Variants in ADAM10 observed in about 807,000 individuals in gnomAD.
ADAM10 encodes ADAM metallopeptidase domain 10.
In ADAM10, 17 loss-of-function variants were observed where a neutral mutation model predicts 90.1. That is an observed-to-expected ratio of 0.19 (90% confidence interval 0.13 to 0.28). The LOEUF is 0.28. ADAM10 is among the 10% of genes least tolerant of loss of function. ADAM10 has a pLI of 1.00. For missense variants in ADAM10, 610 were observed against 914.3 expected (o/e 0.67, Z 4.29); for synonymous variants, 310 against 298.6 (o/e 1.04, Z -0.40).
At chr15:58,687,006 A>C (rs1480300533) in intron 2 of ADAM10, among the ~76,000 whole-genome samples, 2 of 152,250 alleles carry the variant, frequency 1.3e-5, no homozygotes, top group Non-Finnish European at 2.9e-5. Context: ...TTGTTTATTT[A>C]AACAATCGAA....
At chr15:58,635,169 G>T (rs1465935209) in intron 8 of ADAM10, among the ~76,000 whole-genome samples, 2 of 151,014 alleles carry the variant, frequency 1.3e-5, no homozygotes, top group Non-Finnish European at 2.9e-5. Flanking sequence ...CAGCTACTCG[G>T]GAGGCTGAGG....
intron 11 of ADAM10, 147 bp downstream of exon 11, chr15:58,621,324 A>T (rs942513558): frequency 3.5e-5 from 31 of 895,554 alleles, no homozygotes; most frequent in Non-Finnish European, 5.1e-5. Context: ...AGCAGTAACC[A>T]ACACTACTTC....
chr15:58,672,011 G>A (rs1045707923), intron 4 of ADAM10, among the ~76,000 whole-genome samples: 2 of 151,914 alleles, frequency 1.3e-5, no homozygotes, highest in African/African-American at 2.4e-5. Flanking sequence ...GTTGAATCTA[G>A]TGCCTTTTAC....
chr15:58,635,502 G>A (rs1483855417), intron 8 of ADAM10, among the ~76,000 whole-genome samples: 2 of 151,936 alleles, frequency 1.3e-5, no homozygotes, highest in African/African-American at 2.4e-5. Context: ...ACTGACAACT[G>A]AGTAGAGAGA....
intron 2 of ADAM10, among the ~76,000 whole-genome samples, chr15:58,713,720 C>T (rs1401994076): frequency 6.6e-6 from 1 of 152,128 alleles, no homozygotes; most frequent in Non-Finnish European, 1.5e-5. Flanking sequence ...GGAGTTGTTT[C>T]CTTAACGACT....
intron 13 of ADAM10, chr15:58,610,757 G>A (rs899069234): frequency 1.1e-5 from 7 of 636,290 alleles, no homozygotes; most frequent in Admixed American, 7.9e-5. Flanking sequence ...AAGTCTAACA[G>A]TGTTTATGTA....
At chr15:58,698,121 T>G (rs1166959245) in intron 2 of ADAM10, among the ~76,000 whole-genome samples, 5 of 152,082 alleles carry the variant, frequency 3.3e-5, no homozygotes, top group Non-Finnish European at 7.4e-5. Context: ...CAAGGAAATA[T>G]GACCTAAATA....
At chr15:58,603,979 AT>A (rs1305650988) in intron 14 of ADAM10, among the ~76,000 whole-genome samples, 1 of 152,046 alleles carries the variant, frequency 6.6e-6, no homozygotes, top group East Asian at 1.9e-4. Context: ...GTAGAAAAAA[AT>A]GTTTTGCAAA....
intron 2 of ADAM10, among the ~76,000 whole-genome samples, chr15:58,698,897 C>T (rs1438468600): frequency 1.3e-5 from 2 of 152,120 alleles, no homozygotes; most frequent in Admixed American, 1.3e-4. Flanking sequence ...GAGCTGAAAA[C>T]TTCCCAAATC....
chr15:58,739,640 C>T (rs1408633806), intron 1 of ADAM10, among the ~76,000 whole-genome samples: 1 of 152,152 alleles, frequency 6.6e-6, no homozygotes, highest in Non-Finnish European at 1.5e-5. Context: ...CAATCCATCT[C>T]CAAAGCTGTC....
intron 1 of ADAM10, among the ~76,000 whole-genome samples, chr15:58,739,879 A>G (rs1899549752): frequency 2.0e-5 from 3 of 152,224 alleles, no homozygotes. Flanking sequence ...CACTAATGCC[A>G]ATATCTGCTG....
Position 58,726,567 on chromosome 15 carries a change from C to CAAAAAAAAA in ADAM10, c.56-8849_56-8841dup, listed in dbSNP as rs71116593. On this transcript the variant is annotated intron_variant, in intron 1 of 15. Transcript: ENST00000260408. ...GCGACAGAGCGAGACCTCAGTCTCC[C>CAAAAAAAAA]AAAAAAAAAAAAAAAAAAAAAAAAA... 3.9e-3 allele frequency among the ~76,000 whole-genome samples: 82 copies of CAAAAAAAAA among 20,768 alleles called. 11 individuals are homozygous for CAAAAAAAAA. Among genetic ancestry groups the CAAAAAAAAA allele is most frequent in the South Asian group, 0.015 (3 of 204 alleles). 13.6% of individuals were successfully genotyped at this position (20,768 alleles called of 152,430 possible).
chr15:58,709,140 T>G (rs902686272), intron 2 of ADAM10, among the ~76,000 whole-genome samples: 1 of 152,128 alleles, frequency 6.6e-6, no homozygotes, highest in Non-Finnish European at 1.5e-5. Context: ...TATAATGAAA[T>G]AGGATAAACA....
intron 1 of ADAM10, among the ~76,000 whole-genome samples, chr15:58,723,721 A>T (rs1261639968): frequency 6.6e-6 from 1 of 152,066 alleles, no homozygotes; most frequent in Non-Finnish European, 1.5e-5. Context: ...ATAAAAAATA[A>T]AAAATAAACT....
At chr15:58,625,113 A>G (rs1300651960) in intron 10 of ADAM10, among the ~76,000 whole-genome samples, 3 of 152,190 alleles carry the variant, frequency 2.0e-5, no homozygotes, top group Non-Finnish European at 1.5e-5. Context: ...TGCCCTTTTA[A>G]AAGAAAAAGA....
At chr15:58,683,283 TTTACATATACA>T (rs573168055) in intron 2 of ADAM10, among the ~76,000 whole-genome samples, 5 of 152,312 alleles carry the variant, frequency 3.3e-5, no homozygotes, top group Admixed American at 6.5e-5. Context: ...CGTCTTTTTT[TTTACATATACA>T]TGTTTTGCAG....
intron 8 of ADAM10, among the ~76,000 whole-genome samples, chr15:58,640,072 T>G (rs985476570): frequency 8.5e-5 from 13 of 152,170 alleles, no homozygotes; most frequent in African/African-American, 3.1e-4. Context: ...CAACTGAACT[T>G]ATACAGTAAA....
At chr15:58,693,424 T>C (rs1162080029) in intron 2 of ADAM10, among the ~76,000 whole-genome samples, 1 of 152,170 alleles carries the variant, frequency 6.6e-6, no homozygotes, top group Non-Finnish European at 1.5e-5. Context: ...GACAGATCAA[T>C]GAAATGAAAG....
chr15:58,653,227 G>T (rs2140708243), intron 5 of ADAM10, among the ~76,000 whole-genome samples: 1 of 152,132 alleles, frequency 6.6e-6, no homozygotes, highest in East Asian at 1.9e-4. Context: ...TTCTCTGATT[G>T]CTCTAGCTAG....
Sources: allele counts gnomAD v4.1 joint callset (sites outside exome capture counted in the v4.1 genomes callset), GRCh38; gene constraint gnomAD v4.1.1; transcripts MANE v1.5; gene names NCBI Gene and HGNC (gene_info 2026-07-23, HGNC 2026-07-21).